Variants in INCENP observed in about 807,000 individuals in gnomAD.
INCENP encodes the protein inner centromere protein, also known as binds and activates aurora-B and -C in vivo and in vitro.
In INCENP, 43 loss-of-function variants were observed where a neutral mutation model predicts 107.3. The observed-to-expected ratio is 0.40, with a 90% CI of 0.31 to 0.52. The LOEUF (loss-of-function observed/expected upper bound fraction) is 0.52, where lower values mean the gene tolerates loss of function less well. Ranked by LOEUF, INCENP falls within the 20% of genes least tolerant of loss-of-function variation. The pLI is 0.53. For synonymous variants in INCENP, 488 were observed against 494.4 expected (o/e 0.99, Z 0.17); for missense variants, 1,089 against 1,250.9 (o/e 0.87, Z 1.95).
In INCENP at chr11:62,153,099, A is replaced by T. The variant is rs982040640; in HGVS notation, c.*1123A>T. 6.6e-6 allele frequency: 1 copy of T among 152,260 alleles called. No individual in the cohort carries two copies. Among genetic ancestry groups the T allele is most frequent in the Non-Finnish European group, 1.5e-5 (1 of 68,052 alleles). 9.4% of individuals were successfully genotyped at this position (152,260 alleles called of 1,614,324 possible). ...CCTCCATGCAAAGCTGAATATGTTT[A>T]CTATTTGAACTTTTTCAGAAGTTCT... On this transcript the variant is annotated 3_prime_UTR_variant, in exon 19 of 19. Coordinates refer to ENST00000394818, the MANE Select transcript of INCENP (RefSeq NM_001040694.2).
intron 5 of INCENP, 170 bp downstream of exon 5, chr11:62,138,053 G>A (rs994800881): frequency 7.7e-6 from 5 of 651,478 alleles, no homozygotes; most frequent in African/African-American, 5.4e-5. Flanking sequence ...TGATGTGGGT[G>A]TTGGCCACCT....
chr11:62,142,251 G>A (rs1944140868), intron 11 of INCENP, among the ~76,000 whole-genome samples: 2 of 152,370 alleles, frequency 1.3e-5, no homozygotes, highest in Admixed American at 1.3e-4. Context: ...AGCCGGGAGG[G>A]CTTCTGCCTC....
At chr11:62,148,946 A>C in intron 17 of INCENP, 100 bp downstream of exon 17, 1 of 645,312 alleles carries the variant, frequency 1.5e-6, no homozygotes, top group South Asian at 2.2e-5. Flanking sequence ...CCCCTAAGGA[A>C]AAGGACAGAT....
intron 4 of INCENP, among the ~76,000 whole-genome samples, chr11:62,135,967 G>A (rs1351898748): frequency 2.0e-5 from 3 of 152,022 alleles, no homozygotes; most frequent in African/African-American, 7.2e-5. Flanking sequence ...CCACCACTAC[G>A]CCCGGCTAAT....
intron 13 of INCENP, 55 bp from the exon 14 acceptor site, chr11:62,145,574 C>G: frequency 1.3e-6 from 2 of 1,550,956 alleles, no homozygotes; most frequent in Non-Finnish European, 1.7e-6. Flanking sequence ...CTGGGCTCCA[C>G]TCTGCAGGAT....
chr11:62,124,817 T>A (rs1032426601), intron 1 of INCENP, among the ~76,000 whole-genome samples: 8 of 152,232 alleles, frequency 5.3e-5, no homozygotes, highest in Admixed American at 2.0e-4. Context: ...ACCGGCTGAT[T>A]TTGACTTCTC....
intron 11 of INCENP, among the ~76,000 whole-genome samples, chr11:62,142,490 T>C (rs555891187): frequency 2.7e-4 from 41 of 152,340 alleles, no homozygotes; most frequent in African/African-American, 9.9e-4. Flanking sequence ...CCCAGGTCCC[T>C]GCACAAAGCA....
Position 62,144,964 on chromosome 11 carries a change from C to T in INCENP, c.1606-18C>T, listed in dbSNP as rs760600122. On this transcript the variant is annotated intron_variant, in intron 11 of 18. Transcript: ENST00000394818. The stretch of plus-strand genomic sequence containing the variant: ...GTCCTTGCTCATGTCCCATCTCCCT[C>T]GCTCCCCGCCACCCCAGGAGAAGGA... The T allele has an allele frequency of 7.6e-6, 12 of 1,582,780 alleles. No homozygotes were observed. The highest frequency in any genetic ancestry group is 3.8e-4 in the Middle Eastern group (2 of 5,326).
intron 17 of INCENP, among the ~76,000 whole-genome samples, chr11:62,149,119 T>C (rs1236055090): frequency 6.6e-6 from 1 of 152,160 alleles, no homozygotes; most frequent in African/African-American, 2.4e-5. Flanking sequence ...TGTATATCCT[T>C]CTAGATTTTT....
Position 62,140,151 on chromosome 11 carries a change from A to G in INCENP, c.1292-83A>G, listed in dbSNP as rs571516011. 4.6e-4 allele frequency: 557 copies of G among 1,211,268 alleles called. 2 individuals carry two copies. In the African/African-American group the frequency reaches 7.6e-3, roughly 17 times the overall value. 75.0% of individuals were successfully genotyped at this position (1,211,268 alleles called of 1,614,324 possible). A position where few individuals can be genotyped will look rare whatever the true frequency, so the allele number is the denominator to read the frequency against. On this transcript the variant is annotated intron_variant, in intron 7 of 18. Transcript: ENST00000394818. ...TGCCCACTGCCAAGGCTGCTGCCCAAGGACCCCTTCCCCCTACACCCCCAT... is the reference window on the plus strand; with the variant it reads ...TGCCCACTGCCAAGGCTGCTGCCCAGGGACCCCTTCCCCCTACACCCCCAT...
intron 17 of INCENP, 70 bp downstream of exon 17, chr11:62,148,916 G>T (rs746550926): frequency 2.5e-5 from 24 of 973,042 alleles, no homozygotes; most frequent in Non-Finnish European, 3.5e-5. Context: ...CCAGTAGCTA[G>T]AGGCACAGGC....
In INCENP at chr11:62,152,690, C is replaced by A. The variant is rs1368908824; in HGVS notation, c.*714C>A. 6.6e-6 allele frequency: 1 copy of A among 152,400 alleles called. No individual in the cohort carries two copies. The highest frequency in any genetic ancestry group is 1.5e-5 in the Non-Finnish European group (1 of 68,210). The allele number at this position is 152,400 out of a possible 1,614,324, so 9.4% of individuals were successfully genotyped here. On this transcript the variant is annotated 3_prime_UTR_variant, in exon 19 of 19. Transcript: ENST00000394818. ...TTCCCCAGGCTCCACCCGTGCTGCT[C>A]AGGTGCAAATGGACTTGAGAGCATC...
chr11:62,129,936 G>A lies in INCENP; in HGVS notation c.409G>A (p.Ala137Thr), dbSNP rs1371442439. 5.0e-6 allele frequency: 8 copies of A among 1,613,986 alleles called. No individual in the cohort carries two copies. The highest frequency in any genetic ancestry group is 2.2e-5 in the East Asian group (1 of 44,878). The part of the protein sequence containing the change: ...AAAAAAAATM[A>T]LAAPSSPTPE... ...GGCTGCAGCTGCCGCGGCTACCATG[G>A]CATTGGCTGCACCTTCTTCACCCAC... Residue 137 changes from alanine to threonine, a missense_variant, in exon 4 of 19, where the codon GCA (alanine) becomes ACA (threonine). Physicochemically the swap from Ala to Thr is moderately conservative, Grantham distance 58 (BLOSUM62 0). Transcript: ENST00000394818.
At chr11:62,148,390 G>T in intron 15 of INCENP, 86 bp from the exon 16 acceptor site, 1 of 1,252,972 alleles carries the variant, frequency 8.0e-7, no homozygotes, top group Non-Finnish European at 1.1e-6. Flanking sequence ...CCTACTGGCT[G>T]GGCCTGGTTT....
intron 11 of INCENP, chr11:62,141,843 G>A: frequency 2.1e-6 from 1 of 471,100 alleles, no homozygotes; most frequent in African/African-American, 2.0e-5. Context: ...CAGGGTCTGT[G>A]GGTCTTTGAA....
Position 62,132,451 on chromosome 11 carries a change from A to G in INCENP, c.1063+1861A>G, listed in dbSNP as rs374711540. Among the ~76,000 whole-genome samples the G allele has an allele frequency of 4.6e-3, 705 of 152,342 alleles. 6 individuals are homozygous for G. Among genetic ancestry groups the G allele is most frequent in the South Asian group, 0.023 (110 of 4,832 alleles). On this transcript the variant is annotated intron_variant, in intron 4 of 18. Transcript: ENST00000394818. ...GGCCTGCTCCAGGGTTTGGGGTGAC[A>G]TACTCTGGGGCGTGTGCAGATGTGC...
Position 62,145,035 on chromosome 11 carries a change from G to A in INCENP, c.1659G>A (p.Gln553=), listed in dbSNP as rs774769373. The A allele has an allele frequency of 2.2e-5, 36 of 1,610,918 alleles. No homozygotes were observed. Among genetic ancestry groups the A allele is most frequent in the Non-Finnish European group, 2.9e-5 (34 of 1,179,168 alleles). ...TGCGGCGGAAGGAGGAGGCCGAGCA[G>A]CTGCGCAGGCAGAAGGTGGAGGAGG... ...ENLRRKEEAE[Q]LRRQKVEEDK... is the part of the protein sequence containing the mutation. Residue 553 remains glutamine (Q), a synonymous_variant, in exon 12 of 19, where the codon CAG becomes CAA. Transcript: ENST00000394818.
intron 5 of INCENP, among the ~76,000 whole-genome samples, chr11:62,138,321 C>T (rs948559220): frequency 2.0e-5 from 3 of 152,196 alleles, no homozygotes; most frequent in Non-Finnish European, 4.4e-5. Context: ...AGGGTTTGTT[C>T]TTGGGACGGG....
At position 62,141,050 on chromosome 11, in the gene INCENP, G is replaced by A. The variant is rs1427655135; in HGVS notation, c.1593+6G>A. ...CCCTGCGCATGGACCCCAAGGTGAG[G>A]GGCCTGTGCCCAGGCCGGGCTTTGT... On this transcript the variant is annotated splice_donor_region_variant and intron_variant, in intron 10 of 18. Coordinates refer to ENST00000394818, the MANE Select transcript of INCENP (RefSeq NM_001040694.2). 1.2e-6 allele frequency: 2 copies of A among 1,612,116 alleles called. No homozygotes were observed. The highest frequency in any genetic ancestry group is 2.2e-5 in the East Asian group (1 of 44,846).
Sources: gnomAD v4.1 joint callset for allele counts (sites outside exome capture counted in the v4.1 genomes callset) on GRCh38, gnomAD v4.1.1 for gene constraint, MANE v1.5 for transcripts, NCBI Gene and HGNC (gene_info 2026-07-23, HGNC 2026-07-21) for gene names.